Variants in ADAMTS17 observed in about 807,000 individuals in gnomAD.
ADAMTS17 encodes A disintegrin and metalloproteinase with thrombospondin motifs 17.
ADAMTS17 carries 113 observed loss-of-function variants against 141.5 expected under a neutral mutation model. That is an observed-to-expected ratio of 0.80 (90% CI 0.69 to 0.93). The LOEUF (loss-of-function observed/expected upper bound fraction) is 0.93. Ranked by LOEUF, ADAMTS17 falls within the 40% of genes least tolerant of loss-of-function variation. The pLI is 0.00. For missense variants in ADAMTS17, 1,659 were observed against 1,517.9 expected (o/e 1.09, Z -1.54); for synonymous variants, 768 against 630.6 (o/e 1.22, Z -3.27).
At chr15:100,251,724 C>T (rs892757187) in intron 7 of ADAMTS17, among the ~76,000 whole-genome samples, 4 of 152,230 alleles carry the variant, frequency 2.6e-5, no homozygotes, top group African/African-American at 7.2e-5. Context: ...GGCGACAGAG[C>T]GAGACTCTAC....
intron 4 of ADAMTS17, among the ~76,000 whole-genome samples, chr15:100,265,228 G>A (rs936903490): frequency 6.6e-6 from 1 of 152,228 alleles, no homozygotes; most frequent in Non-Finnish European, 1.5e-5. Flanking sequence ...CCCGTGCCAA[G>A]CCAGGCGAGC....
chr15:100,042,908 A>G (rs1051635852), intron 18 of ADAMTS17, among the ~76,000 whole-genome samples: 6 of 152,250 alleles, frequency 3.9e-5, no homozygotes, highest in African/African-American at 1.4e-4. Flanking sequence ...GAAACTGCAA[A>G]TAAGTGGGAA....
chr15:100,125,944 G>T (rs189543847), intron 12 of ADAMTS17, among the ~76,000 whole-genome samples: 2 of 152,132 alleles, frequency 1.3e-5, no homozygotes, highest in South Asian at 2.1e-4. Flanking sequence ...GGGTGAGAAG[G>T]GGGTCGTGGG....
At chr15:100,268,880 T>C (rs769411561) in intron 4 of ADAMTS17, among the ~76,000 whole-genome samples, 25 of 152,138 alleles carry the variant, frequency 1.6e-4, no homozygotes, top group Non-Finnish European at 3.2e-4. Flanking sequence ...CTTCAAACTA[T>C]ACTAGAAGGT....
Position 100,199,373 on chromosome 15 carries a change from C to A in ADAMTS17, c.1126G>T (p.Ala376Ser). 6.2e-7 allele frequency: 1 copy of A among 1,614,188 alleles called. No homozygotes were observed. The highest frequency in any genetic ancestry group is 8.5e-7 in the Non-Finnish European group (1 of 1,180,014). Residue 376 changes from alanine (A) to serine (S), a missense_variant, in exon 8 of 22, where the codon GCC (alanine) becomes TCC (serine). Transcript: ENST00000268070. ...VCSAKRKCVL[A>S]EDNGLNLAFT... ...GCCAAATTGAGACCATTGTCTTCGG[C>A]AAGCACACACTTCCTCTTAGCACTG...
intron 21 of ADAMTS17, 29 bp from the exon 22 acceptor site, chr15:99,974,591 G>A: frequency 6.2e-7 from 1 of 1,614,052 alleles, no homozygotes; most frequent in Non-Finnish European, 8.5e-7. Context: ...GAATACCCAG[G>A]GTCAGGGATG....
chr15:100,341,183 G>A lies in ADAMTS17; in HGVS notation c.306C>T (p.Phe102=), dbSNP rs2046354250. The change falls in exon 2 of 22, where the codon TTC becomes TTT. Residue 102 remains phenylalanine (F), a synonymous_variant. Coordinates refer to ENST00000268070, the MANE Select transcript of ADAMTS17 (RefSeq NM_139057.4). ...CCTCCACCTCGAAGCCTCGGGACAG[G>A]AAGCGCAGGTCGCGGCGCAGCTGAA... ...LYLQLRRDLR[F]LSRGFEVEEA... is the part of the protein sequence containing the mutation. 16 of 1,465,808 alleles carry A rather than the reference G, an allele frequency of 1.1e-5. No homozygotes were observed. Among genetic ancestry groups the A allele is most frequent in the Non-Finnish European group, 1.4e-5 (16 of 1,112,888 alleles). The allele number at this position is 1,465,808 out of a possible 1,614,324, so 90.8% of individuals were successfully genotyped here. A position where few individuals can be genotyped will look rare whatever the true frequency, so the allele number is the denominator to read the frequency against.
At chr15:100,101,768 G>A (rs889607273) in intron 14 of ADAMTS17, among the ~76,000 whole-genome samples, 2 of 152,216 alleles carry the variant, frequency 1.3e-5, no homozygotes, top group Non-Finnish European at 2.9e-5. Context: ...AGTTTTGATG[G>A]TACTTGTTTT....
chr15:100,325,527 G>A (rs553658476), intron 3 of ADAMTS17, among the ~76,000 whole-genome samples: 1 of 152,326 alleles, frequency 6.6e-6, no homozygotes, highest in South Asian at 2.1e-4. Context: ...GCTGCCCAAT[G>A]CTGGAGGTGG....
intron 6 of ADAMTS17, 96 bp from the exon 7 acceptor site, chr15:100,254,275 T>C (rs544553356): frequency 1.1e-5 from 13 of 1,166,042 alleles, no homozygotes; most frequent in Non-Finnish European, 1.4e-5. Context: ...CATCCTGCAA[T>C]GTTATTTTTC....
intron 15 of ADAMTS17, among the ~76,000 whole-genome samples, chr15:100,058,306 A>AC (rs200825104): frequency 1.6e-3 from 23 of 14,066 alleles, no homozygotes; most frequent in South Asian, 2.2e-3. Flanking sequence ...CGGCTCTAAC[A>AC]CCCCTATCCC....
chr15:100,001,302 T>C (rs1444907233), intron 18 of ADAMTS17, among the ~76,000 whole-genome samples: 5 of 151,982 alleles, frequency 3.3e-5, no homozygotes, highest in Non-Finnish European at 4.4e-5. Context: ...GATTGGTAGC[T>C]GTGTCATTTC....
chr15:100,149,715 G>A (rs929997160), intron 10 of ADAMTS17, among the ~76,000 whole-genome samples: 1 of 152,222 alleles, frequency 6.6e-6, no homozygotes, highest in African/African-American at 2.4e-5. Flanking sequence ...TGAGTCAGGA[G>A]TAAGAACCCC....
At chr15:100,299,409 G>C (rs1014016149) in intron 3 of ADAMTS17, among the ~76,000 whole-genome samples, 4 of 150,262 alleles carry the variant, frequency 2.7e-5, no homozygotes, top group African/African-American at 9.8e-5. Flanking sequence ...CCAGTACTTA[G>C]AATTATCATG....
chr15:100,336,705 T>C (rs2046217221), intron 2 of ADAMTS17, among the ~76,000 whole-genome samples: 1 of 152,200 alleles, frequency 6.6e-6, no homozygotes, highest in South Asian at 2.1e-4. Flanking sequence ...TCAGCTGTTC[T>C]CCATCGAGTA....
At chr15:100,031,252 A>T (rs1362054790) in intron 18 of ADAMTS17, among the ~76,000 whole-genome samples, 3 of 152,190 alleles carry the variant, frequency 2.0e-5, no homozygotes, top group Non-Finnish European at 4.4e-5. Context: ...CTAGCTACCG[A>T]ACCTAACAAA....
At chr15:100,198,001 T>C (rs924875130) in intron 8 of ADAMTS17, among the ~76,000 whole-genome samples, 1 of 152,172 alleles carries the variant, frequency 6.6e-6, no homozygotes, top group African/African-American at 2.4e-5. Context: ...AGGGAGGGAA[T>C]ACCACACACC....
chr15:100,001,999 A>AC (rs1225907139), intron 18 of ADAMTS17, among the ~76,000 whole-genome samples: 2 of 148,300 alleles, frequency 1.3e-5, no homozygotes, highest in African/African-American at 2.5e-5. Context: ...AAACCCAAAA[A>AC]AAAAAAAAAA....
At chr15:100,309,704 C>T (rs866911237) in intron 3 of ADAMTS17, among the ~76,000 whole-genome samples, 1 of 152,234 alleles carries the variant, frequency 6.6e-6, no homozygotes, top group Non-Finnish European at 1.5e-5. Context: ...ATGCCTGGCT[C>T]ATATCTTGCT....
Sources: gnomAD v4.1 joint callset for allele counts (sites outside exome capture counted in the v4.1 genomes callset) on GRCh38, gnomAD v4.1.1 for gene constraint, MANE v1.5 for transcripts, NCBI Gene and HGNC (gene_info 2026-07-23, HGNC 2026-07-21) for gene names.